EPS15L1: variants seen among roughly 807,000 people sequenced by gnomAD.
The protein encoded by EPS15L1 is epidermal growth factor receptor pathway substrate 15 like 1.
EPS15L1 carries 43 observed loss-of-function variants against 117.1 expected under a neutral mutation model. The ratio of observed to expected loss-of-function variants is 0.37; its 90% CI spans 0.29 to 0.47. The LOEUF (loss-of-function observed/expected upper bound fraction) is 0.47. Among genes scored for constraint, EPS15L1 ranks in the 20% least tolerant of loss-of-function variants. EPS15L1 has a pLI of 0.99. For missense variants in EPS15L1, 981 were observed against 1,164.0 expected (o/e 0.84, Z 2.29); for synonymous variants, 459 against 470.5 (o/e 0.98, Z 0.32).
In EPS15L1 at chr19:16,392,341, G is replaced by A. The variant is rs374304767; in HGVS notation, c.2066C>T (p.Ser689Leu). Reference sequence around the variant, plus strand: ...GGAAGGGTTTTTCGTGAATGGATCCGAGGTAAATGGGTCATTCTTTGTCTG... The same window carrying A: ...GGAAGGGTTTTTCGTGAATGGATCCAAGGTAAATGGGTCATTCTTTGTCTG... ...KKQTKNDPFT[S>L]DPFTKNPSLP... Residue 689 changes from serine to leucine, a missense_variant, in exon 19 of 24, where the codon TCG becomes TTG. By Grantham distance (145) the Ser-to-Leu change is moderately radical. Coordinates refer to ENST00000455140, the MANE Select transcript of EPS15L1 (RefSeq NM_001258374.3). The A allele has an allele frequency of 8.1e-6, 13 of 1,614,090 alleles. No individual in the cohort carries two copies. Among genetic ancestry groups the A allele is most frequent in the South Asian group, 4.4e-5 (4 of 91,088 alleles).
At chr19:16,416,272 A>G (rs887078541) in intron 12 of EPS15L1, among the ~76,000 whole-genome samples, 8 of 152,210 alleles carry the variant, frequency 5.3e-5, no homozygotes, top group Admixed American at 2.6e-4. Flanking sequence ...CACAGAGGGC[A>G]AAGCACCTTT....
rs1055432921 is a variant in EPS15L1 at position 16,371,176 on chromosome 19, G to T, written c.2380+5946C>A. ...GGGACCCACATGGGCACATGATGGGGAGAGGTCACTGAGCCCTGGTTTCGA... is the reference window on the plus strand; with the variant it reads ...GGGACCCACATGGGCACATGATGGGTAGAGGTCACTGAGCCCTGGTTTCGA... On this transcript the variant is annotated intron_variant, in intron 22 of 23. Coordinates refer to ENST00000455140, the MANE Select transcript of EPS15L1 (RefSeq NM_001258374.3). This position sits in a 1 kb window ranked among gnomAD's most constrained non-coding sequence, Gnocchi z 4.7. Among the ~76,000 whole-genome samples the T allele has an allele frequency of 2.6e-5, 4 of 152,170 alleles. No individual in the cohort carries two copies. Among genetic ancestry groups the T allele is most frequent in the African/African-American group, 7.2e-5 (3 of 41,442 alleles).
intron 13 of EPS15L1, chr19:16,412,622 T>C (rs1467923104): frequency 6.8e-6 from 1 of 146,520 alleles, no homozygotes; most frequent in Admixed American, 7.0e-5. Flanking sequence ...ACCCCATCTC[T>C]ATTTGGAAAA....
In EPS15L1 at chr19:16,404,805, G is replaced by C. The variant is rs981566694; in HGVS notation, c.1267-56C>G. ...GATGGGAAAAATGAAGCATGTCCAA[G>C]ATAACGGGGGGCAGCCTGGGCCAGA... is the stretch of plus-strand genomic sequence containing the variant. On this transcript the variant is annotated intron_variant, in intron 13 of 23. Transcript: ENST00000455140. This position sits in a 1 kb window ranked among gnomAD's most constrained non-coding sequence, Gnocchi z 4.2. The C allele has an allele frequency of 1.4e-5, 23 of 1,591,136 alleles. No homozygotes were observed. The highest frequency in any genetic ancestry group is 2.0e-5 in the Non-Finnish European group (23 of 1,163,128).
chr19:16,397,185 G>T (rs1240399558), intron 16 of EPS15L1, among the ~76,000 whole-genome samples: 1 of 152,008 alleles, frequency 6.6e-6, no homozygotes, highest in Non-Finnish European at 1.5e-5. Flanking sequence ...CACCTCCCGG[G>T]TTCAAGTGAT....
At chr19:16,363,275 T>G (rs1183098938) in intron 22 of EPS15L1, among the ~76,000 whole-genome samples, 1 of 152,176 alleles carries the variant, frequency 6.6e-6, no homozygotes, top group Non-Finnish European at 1.5e-5. Context: ...GTGTTAACTC[T>G]GGAAGTTTCG....
intron 1 of EPS15L1, among the ~76,000 whole-genome samples, chr19:16,450,046 C>T (rs936951357): frequency 6.7e-6 from 1 of 150,310 alleles, no homozygotes; most frequent in East Asian, 2.0e-4. Flanking sequence ...ACAGGAGGGA[C>T]GTGTTCTGTA....
chr19:16,361,620 G>C, intron 23 of EPS15L1, 159 bp downstream of exon 23: 1 of 1,328,860 alleles, frequency 7.5e-7, no homozygotes, highest in Non-Finnish European at 9.6e-7. Flanking sequence ...TTTTCTTACA[G>C]AAGTGGCAGT....
rs888366739 is a variant in EPS15L1 at position 16,371,104 on chromosome 19, G to A, written c.2380+6018C>T. Among the ~76,000 whole-genome samples the A allele has an allele frequency of 6.6e-6, 1 of 152,250 alleles. No homozygotes were observed. The highest frequency in any genetic ancestry group is 1.9e-4 in the East Asian group (1 of 5,200). Reference sequence around the variant, plus strand: ...AGGTGCTAACCGCAGGGTTCAAATGGAGATGCCATTTTTAAAGTGGATCTT... The same window carrying A: ...AGGTGCTAACCGCAGGGTTCAAATGAAGATGCCATTTTTAAAGTGGATCTT... On this transcript the variant is annotated intron_variant, in intron 22 of 23. Transcript: ENST00000455140. The surrounding 1 kb of genome is among the most constrained non-coding windows in gnomAD (Gnocchi z 4.7).
rs2092726332 is a variant in EPS15L1, at chr19:16,413,400, T to C, written c.1266+373A>G. The C allele has an allele frequency of 7.0e-6, 5 of 712,570 alleles. No individual in the cohort carries two copies. The Admixed American group carries it at 8.9e-5, about 13-fold the overall frequency. 44.1% of individuals were successfully genotyped at this position (712,570 alleles called of 1,614,324 possible). ...GGGCTGCACTGCCATCCTGGGCAAC[T>C]TCGACAAGGCCACCTTTGATGCCAT... On this transcript the variant is annotated intron_variant, in intron 13 of 23. Coordinates refer to ENST00000455140, the MANE Select transcript of EPS15L1 (RefSeq NM_001258374.3).
At chr19:16,429,899 G>A (rs1019997980) in intron 7 of EPS15L1, among the ~76,000 whole-genome samples, 30 of 152,222 alleles carry the variant, frequency 2.0e-4, no homozygotes, top group Non-Finnish European at 8.8e-5. Context: ...ATCATGCTCT[G>A]GGGTGTGGGC....
intron 19 of EPS15L1, 28 bp from the exon 20 acceptor site, chr19:16,386,259 A>T: frequency 6.3e-7 from 1 of 1,591,172 alleles, no homozygotes; most frequent in Non-Finnish European, 8.6e-7. Context: ...GGAAAGAGTA[A>T]AAAGCAGTTC....
At chr19:16,374,023 G>A (rs1004961050) in intron 22 of EPS15L1, among the ~76,000 whole-genome samples, 5 of 152,200 alleles carry the variant, frequency 3.3e-5, no homozygotes, top group Non-Finnish European at 7.3e-5. Flanking sequence ...AGTTGCTCCG[G>A]ACTTAAAATG....
chr19:16,441,697 G>C (rs973541054), intron 3 of EPS15L1, 195 bp downstream of exon 3: 1 of 445,614 alleles, frequency 2.2e-6, no homozygotes, highest in Non-Finnish European at 4.0e-6. Flanking sequence ...TTTCTTATCT[G>C]CTACCAAAGT....
rs191478412 is a variant in EPS15L1 at position 16,423,700 on chromosome 19, C to T, written c.792+1383G>A. 6.4e-4 allele frequency among the ~76,000 whole-genome samples: 97 copies of T among 152,150 alleles called. 1 individual carries two copies. Among genetic ancestry groups the T allele is most frequent in the African/African-American group, 2.3e-3 (94 of 41,502 alleles). On this transcript the variant is annotated intron_variant, in intron 9 of 23. Coordinates refer to ENST00000455140, the MANE Select transcript of EPS15L1 (RefSeq NM_001258374.3). ...TGTGAGCCTTCTCAAGTCTGGTGGA[C>T]GTAAAGATGCCAATAAAGGAATTCT...
Position 16,395,384 on chromosome 19 carries a change from G to A in EPS15L1, c.1875C>T (p.Pro625=), listed in dbSNP as rs2092529284. The part of the protein sequence containing the change: ...LHPDPFQTED[P]FKSDPFKGAD... ...CTCCTTTAAATGGGTCAGATTTGAA[G>A]GGGTCTTCTGTCTGGAAAGGATCCG... The change falls in exon 17 of 24, where the codon CCC becomes CCT. Residue 625 remains proline, a synonymous_variant. Coordinates refer to ENST00000455140, the MANE Select transcript of EPS15L1 (RefSeq NM_001258374.3). 1.9e-6 allele frequency: 3 copies of A among 1,613,964 alleles called. No individual in the cohort carries two copies. The highest frequency in any genetic ancestry group is 1.3e-5 in the African/African-American group (1 of 74,996).
intron 1 of EPS15L1, among the ~76,000 whole-genome samples, chr19:16,458,896 A>G (rs559805811): frequency 6.6e-6 from 1 of 152,312 alleles, no homozygotes; most frequent in African/African-American, 2.4e-5. Flanking sequence ...ATGCGTCCTG[A>G]GAGTTGCATC....
At chr19:16,395,817 C>T (rs1417834628) in intron 16 of EPS15L1, among the ~76,000 whole-genome samples, 1 of 152,010 alleles carries the variant, frequency 6.6e-6, no homozygotes, top group African/African-American at 2.4e-5. Flanking sequence ...TTGTGCCGGG[C>T]ACCTGTAATC....
chr19:16,364,054 C>T (rs934342240), intron 22 of EPS15L1, among the ~76,000 whole-genome samples: 1 of 152,210 alleles, frequency 6.6e-6, no homozygotes, highest in Non-Finnish European at 1.5e-5. Context: ...TCCTTCCAGA[C>T]TCCTTGTCTG....
Sources: gnomAD v4.1 joint callset for allele counts (sites outside exome capture counted in the v4.1 genomes callset) on GRCh38, gnomAD v4.1.1 for gene constraint, Gnocchi (gnomAD v3.1) non-coding constraint, MANE v1.5 for transcripts, NCBI Gene and HGNC (gene_info 2026-07-23, HGNC 2026-07-21) for gene names.